BLTP3B: variants seen among roughly 807,000 people sequenced by gnomAD.
BLTP3B encodes the protein UHRF1 (ICBP90) binding protein 1-like.
At chr12:100,070,142 G>C in the BLTP3B span, 1 of 1,561,906 alleles carries the variant, frequency 6.4e-7, no homozygotes, top group East Asian at 2.4e-5. Flanking sequence ...CATCTATCTT[G>C]AGTTTTCTCA....
chr12:100,069,353 A>ATTT, the BLTP3B span, among the ~76,000 whole-genome samples: 3 of 152,186 alleles, frequency 2.0e-5, no homozygotes, highest in Admixed American at 6.5e-5. Flanking sequence ...CGCAATTACA[A>ATTT]AACGTGGAAC....
the BLTP3B span, among the ~76,000 whole-genome samples, chr12:100,052,736 G>A: frequency 4.7e-5 from 7 of 150,092 alleles, no homozygotes; most frequent in African/African-American, 1.5e-4. Flanking sequence ...GTTATCAGCA[G>A]TACAGTGGAA....
At chr12:100,104,614 GCAAT>G in the BLTP3B span, among the ~76,000 whole-genome samples, 8 of 151,412 alleles carry the variant, frequency 5.3e-5, no homozygotes, top group African/African-American at 1.9e-4. Context: ...AAAATTCTGA[GCAAT>G]CATTTTGTAA....
At chr12:100,127,079 A>G in the BLTP3B span, among the ~76,000 whole-genome samples, 2 of 151,720 alleles carry the variant, frequency 1.3e-5, no homozygotes, top group Non-Finnish European at 2.9e-5. Context: ...AAAAAAAAAG[A>G]TATGTTTTAA....
chr12:100,098,717 C>T, the BLTP3B span, among the ~76,000 whole-genome samples: 1 of 151,028 alleles, frequency 6.6e-6, no homozygotes, highest in East Asian at 1.9e-4. Context: ...GCCTGGCCAA[C>T]ACAGTGAAAC....
the BLTP3B span, among the ~76,000 whole-genome samples, chr12:100,079,623 A>G: frequency 6.6e-6 from 1 of 152,220 alleles, no homozygotes; most frequent in African/African-American, 2.4e-5. Context: ...TGCGATAGAA[A>G]AGAAAACCCC....
At chr12:100,129,240 T>C in the BLTP3B span, among the ~76,000 whole-genome samples, 1 of 151,682 alleles carries the variant, frequency 6.6e-6, no homozygotes, top group South Asian at 2.1e-4. Flanking sequence ...ATAGGCCATA[T>C]CTATATACTC....
chr12:100,080,232 T>A, the BLTP3B span, among the ~76,000 whole-genome samples: 1 of 152,170 alleles, frequency 6.6e-6, no homozygotes, highest in African/African-American at 2.4e-5. Flanking sequence ...CCTTGCACCA[T>A]GTGCCTGGAA....
the BLTP3B span, among the ~76,000 whole-genome samples, chr12:100,045,853 A>C: frequency 2.0e-5 from 3 of 152,218 alleles, no homozygotes; most frequent in Non-Finnish European, 4.4e-5. Context: ...AATATCGAGA[A>C]TCTACAAAGA....
At chr12:100,073,214 A>G in the BLTP3B span, among the ~76,000 whole-genome samples, 35 of 152,266 alleles carry the variant, frequency 2.3e-4, no homozygotes, top group Admixed American at 2.0e-3. Context: ...CTTTACCATA[A>G]TCTCTCCATT....
the BLTP3B span, chr12:100,098,556 C>G: frequency 1.9e-6 from 3 of 1,596,312 alleles, no homozygotes; most frequent in South Asian, 1.1e-5. Flanking sequence ...AAAAACAAAG[C>G]AAAACAAAAT....
chr12:100,072,430 G>A, the BLTP3B span, among the ~76,000 whole-genome samples: 1 of 151,998 alleles, frequency 6.6e-6, no homozygotes, highest in South Asian at 2.1e-4. Flanking sequence ...ATAGGGGCTG[G>A]GCACAGTGGT....
At chr12:100,098,078 G>A in the BLTP3B span, among the ~76,000 whole-genome samples, 520 of 152,046 alleles carry the variant, frequency 3.4e-3, 3 homozygotes, top group African/African-American at 0.012. Context: ...TTAGGCAGGC[G>A]CAGTAGTACA....
the BLTP3B span, chr12:100,086,262 C>T: frequency 1.5e-6 from 2 of 1,366,130 alleles, no homozygotes; most frequent in Middle Eastern, 2.0e-4. Flanking sequence ...TTTAAAGATG[C>T]TGTTATACAC....
At chr12:100,091,277 C>T in the BLTP3B span, among the ~76,000 whole-genome samples, 4 of 147,446 alleles carry the variant, frequency 2.7e-5, no homozygotes, top group African/African-American at 1.0e-4. Context: ...GCAACCTCTG[C>T]TTCCCAGTTC....
At chr12:100,082,971 T>C in the BLTP3B span, 19 of 1,394,096 alleles carry the variant, frequency 1.4e-5, no homozygotes, top group African/African-American at 1.6e-4. Context: ...TTAGATGAGA[T>C]ACTAAAGTGT....
chr12:100,140,729 A>AAAATATATATATATATATATATATAT, the BLTP3B span, among the ~76,000 whole-genome samples: 1 of 61,492 alleles, frequency 1.6e-5, no homozygotes, highest in South Asian at 5.7e-4. Flanking sequence ...AAAAAAAAAA[A>AAAATATATATATATATATATATATAT]ATATATATAT....
the BLTP3B span, among the ~76,000 whole-genome samples, chr12:100,065,026 A>G: frequency 1.3e-5 from 2 of 152,324 alleles, no homozygotes; most frequent in South Asian, 2.1e-4. Flanking sequence ...TGCAAAACAG[A>G]TAAGAATTCA....
At chr12:100,078,896 T>C in the BLTP3B span, among the ~76,000 whole-genome samples, 1 of 152,240 alleles carries the variant, frequency 6.6e-6, no homozygotes, top group Middle Eastern at 3.4e-3. Context: ...AAGTCTTTCC[T>C]GCACTGTTCT....
Sources: allele counts gnomAD v4.1 joint callset (sites outside exome capture counted in the v4.1 genomes callset), GRCh38; gene constraint gnomAD v4.1.1; transcripts MANE v1.5; gene names NCBI Gene and HGNC (gene_info 2026-07-23, HGNC 2026-07-21).